Variants in CADM2 observed in about 807,000 individuals in gnomAD.
CADM2 encodes the protein cell adhesion molecule 2.
A neutral mutation model predicts 49.8 loss-of-function variants in CADM2; 12 were observed. The observed-to-expected ratio is 0.24, with a 90% CI of 0.15 to 0.39. The LOEUF is 0.39. Ranked by LOEUF, CADM2 falls within the 10% of genes least tolerant of loss-of-function variation. The pLI, the probability that CADM2 is intolerant of heterozygous loss-of-function variation, is 1.00. For missense variants in CADM2, 378 were observed against 492.3 expected, an observed-to-expected ratio of 0.77 and a Z score of 2.20; for synonymous variants, 214 against 175.4, an observed-to-expected ratio of 1.22 and a Z score of -1.74.
intron 2 of CADM2, among the ~76,000 whole-genome samples, chr3:85,784,343 A>G (rs1559654718): frequency 6.6e-6 from 1 of 152,188 alleles, no homozygotes; most frequent in Non-Finnish European, 1.5e-5. Flanking sequence ...CTATGAAGCA[A>G]TAAGGCTAAT....
chr3:85,931,897 T>C (rs1720648420), intron 6 of CADM2, among the ~76,000 whole-genome samples: 1 of 151,226 alleles, frequency 6.6e-6, no homozygotes, highest in Non-Finnish European at 1.5e-5. Context: ...TTTAAATTTT[T>C]ATTTTAAATT....
intron 1 of CADM2, among the ~76,000 whole-genome samples, chr3:85,483,614 A>G (rs2039301754): frequency 6.6e-6 from 1 of 150,460 alleles, no homozygotes; most frequent in South Asian, 2.1e-4. Context: ...ATACTATATA[A>G]TGAGTATAGT....
chr3:85,668,929 A>G (rs572684798), intron 1 of CADM2, among the ~76,000 whole-genome samples: 1 of 152,240 alleles, frequency 6.6e-6, no homozygotes, highest in South Asian at 2.1e-4. Flanking sequence ...ATGAATATGG[A>G]TTTCATAGGT....
chr3:85,109,777 G>A (rs2038382460), intron 1 of CADM2, among the ~76,000 whole-genome samples: 1 of 151,828 alleles, frequency 6.6e-6, no homozygotes, highest in Non-Finnish European at 1.5e-5. Context: ...GTGACTTTAT[G>A]TGCGATACTT....
At chr3:85,732,403 G>A (rs2067972501) in intron 2 of CADM2, among the ~76,000 whole-genome samples, 1 of 152,074 alleles carries the variant, frequency 6.6e-6, no homozygotes, top group South Asian at 2.1e-4. Context: ...TATGTGTCAG[G>A]GGCGTTAGAC....
Position 86,043,249 on chromosome 3 carries a change from G to T in CADM2, c.971-22356G>T, listed in dbSNP as rs577654026. ...GGCCAGGGCAATCAGGCAGGAGAAA[G>T]AAATGAAGGGTATTCAGTTAGGAAA... is the stretch of plus-strand genomic sequence containing the variant. On this transcript the variant is annotated intron_variant, in intron 8 of 9. Transcript: ENST00000383699. Among the ~76,000 whole-genome samples the T allele has an allele frequency of 2.0e-5, 3 of 152,268 alleles. No homozygotes were observed. The South Asian group carries it at 6.2e-4, about 32-fold the overall frequency.
intron 3 of CADM2, among the ~76,000 whole-genome samples, chr3:85,819,505 C>G (rs1200604853): frequency 3.9e-5 from 6 of 152,100 alleles, no homozygotes; most frequent in Non-Finnish European, 8.8e-5. Context: ...GATTTTCAAA[C>G]TAGGAGCAAT....
chr3:85,337,326 G>T (rs1179884415), intron 1 of CADM2, among the ~76,000 whole-genome samples: 1 of 151,080 alleles, frequency 6.6e-6, no homozygotes, highest in Non-Finnish European at 1.5e-5. Context: ...CAAAAAGAAA[G>T]ACAATTTATA....
chr3:85,103,865 G>A (rs1276893188), intron 1 of CADM2, among the ~76,000 whole-genome samples: 1 of 152,124 alleles, frequency 6.6e-6, no homozygotes. Flanking sequence ...AATGTAGTGG[G>A]CTAGGATGAC....
chr3:85,512,507 T>G (rs943753982), intron 1 of CADM2, among the ~76,000 whole-genome samples: 11 of 152,084 alleles, frequency 7.2e-5, no homozygotes, highest in African/African-American at 2.7e-4. Flanking sequence ...TTCAGTAAAC[T>G]CAATCTCTGT....
intron 2 of CADM2, among the ~76,000 whole-genome samples, chr3:85,787,965 T>G (rs141433955): frequency 5.9e-4 from 90 of 152,272 alleles, no homozygotes; most frequent in African/African-American, 2.0e-3. Context: ...TGATTTACTT[T>G]TTGGAATACT....
intron 1 of CADM2, among the ~76,000 whole-genome samples, chr3:85,202,330 T>C (rs1037979193): frequency 6.6e-6 from 1 of 152,158 alleles, no homozygotes; most frequent in African/African-American, 2.4e-5. Flanking sequence ...TAGCTATCTA[T>C]GGAAGCTAAA....
Position 85,470,712 on chromosome 3 carries a change from C to T in CADM2, c.62-255810C>T, listed in dbSNP as rs189543650. On this transcript the variant is annotated intron_variant, in intron 1 of 9. Coordinates refer to ENST00000383699, the MANE Select transcript of CADM2 (RefSeq NM_001167675.2). ...TTAAGGAATGTGTTGCTGGATTTTA[C>T]ATTGAAAAACAGCTAGAGTGGCACA... is the stretch of plus-strand genomic sequence containing the variant. Among the ~76,000 whole-genome samples, 311 of 152,178 alleles carry T rather than the reference C, an allele frequency of 2.0e-3. 1 individual carries two copies. The highest frequency in any genetic ancestry group is 1.9e-3 in the Non-Finnish European group (126 of 67,982).
chr3:85,868,974 T>C (rs1470650142), intron 3 of CADM2, among the ~76,000 whole-genome samples: 1 of 152,198 alleles, frequency 6.6e-6, no homozygotes, highest in East Asian at 1.9e-4. Context: ...TGCTTTTTTA[T>C]TGGAGTTTAT....
chr3:85,266,262 T>C (rs1001670643), intron 1 of CADM2, among the ~76,000 whole-genome samples: 1 of 151,886 alleles, frequency 6.6e-6, no homozygotes, highest in Admixed American at 6.6e-5. Flanking sequence ...TTGGAGATAC[T>C]ACTCTCACCT....
intron 1 of CADM2, among the ~76,000 whole-genome samples, chr3:85,165,043 T>G (rs2107674509): frequency 6.6e-6 from 1 of 151,802 alleles, no homozygotes; most frequent in African/African-American, 2.4e-5. Flanking sequence ...ACTCCGAAAT[T>G]TAAAAGTCAA....
At chr3:85,388,882 G>T (rs1483588147) in intron 1 of CADM2, among the ~76,000 whole-genome samples, 14 of 152,012 alleles carry the variant, frequency 9.2e-5, no homozygotes. Flanking sequence ...TCTAAGATGT[G>T]TTAGATAGAT....
chr3:85,194,757 G>A (rs2041296582), intron 1 of CADM2, among the ~76,000 whole-genome samples: 1 of 151,888 alleles, frequency 6.6e-6, no homozygotes, highest in South Asian at 2.1e-4. Context: ...TTTCTCAGCA[G>A]CATTCTTACA....
intron 1 of CADM2, among the ~76,000 whole-genome samples, chr3:85,266,027 T>G (rs1474785206): frequency 1.3e-5 from 2 of 151,868 alleles, no homozygotes; most frequent in African/African-American, 4.8e-5. Flanking sequence ...TTCTATGCCC[T>G]TAGGTTTGAA....
Sources: allele counts gnomAD v4.1 joint callset (sites outside exome capture counted in the v4.1 genomes callset), GRCh38; gene constraint gnomAD v4.1.1; transcripts MANE v1.5; gene names NCBI Gene and HGNC (gene_info 2026-07-23, HGNC 2026-07-21).